Variants in CEP290 observed in about 807,000 individuals in gnomAD.
CEP290 encodes centrosomal protein 290.
In CEP290, 317 loss-of-function variants were observed where a neutral mutation model predicts 344.9. The ratio of observed to expected loss-of-function variants is 0.92; its 90% CI spans 0.84 to 1.01. CEP290 has a LOEUF of 1.01. CEP290 is among the 50% of genes least tolerant of loss of function. CEP290 has a pLI of 0.00. For missense variants in CEP290, 2,754 were observed against 2,761.4 expected (o/e 1.00, Z 0.06); for synonymous variants, 932 against 895.8 (o/e 1.04, Z -0.72).
chr12:88,097,549 A>C lies in CEP290; in HGVS notation c.2992-550T>G, dbSNP rs1358556113. ...ATTACCCAGTCTCAGGTATTTCTTC[A>C]TAGCAGCATGAGAACGGACTAATAC... is the stretch of plus-strand genomic sequence containing the variant. On this transcript the variant is annotated intron_variant, in intron 26 of 53. Transcript: ENST00000552810. Among the ~76,000 whole-genome samples, 8 of 151,798 alleles carry C rather than the reference A, an allele frequency of 5.3e-5. No homozygotes were observed. In the Admixed American group the frequency reaches 5.3e-4, roughly 10 times the overall value.
chr12:88,136,834 G>A, intron 5 of CEP290, 48 bp from the exon 6 acceptor site: 2 of 1,536,240 alleles, frequency 1.3e-6, no homozygotes, highest in Non-Finnish European at 1.8e-6. Context: ...TATATTTTGA[G>A]GTTCAAATGA....
intron 27 of CEP290, 113 bp from the exon 28 acceptor site, chr12:88,094,088 TTTCTGAA>T: frequency 2.5e-6 from 2 of 801,116 alleles, no homozygotes; most frequent in Non-Finnish European, 3.8e-6. Context: ...GCACATTAGC[TTTCTGAA>T]TTCCATCAGA....
chr12:88,077,106 G>A, intron 41 of CEP290, 116 bp downstream of exon 41: 1 of 985,172 alleles, frequency 1.0e-6, no homozygotes, highest in Non-Finnish European at 1.4e-6. Flanking sequence ...AATTAATACA[G>A]AATTAATACA....
intron 42 of CEP290, 122 bp from the exon 43 acceptor site, chr12:88,071,571 A>G (rs2035378497): frequency 1.1e-6 from 1 of 923,976 alleles, no homozygotes; most frequent in Non-Finnish European, 1.6e-6. Context: ...AAGCTAATTT[A>G]CAACGAGATC....
rs2039913970 is a variant in CEP290, at chr12:88,129,152, ATTCATAC to A, written c.853-124_853-118del. ...TATATCTACATACACACACATACGTATTCATACTTATATACACATACATACGGATACA... is the reference window on the plus strand; with the variant it reads ...TATATCTACATACACACACATACGTATTATATACACATACATACGGATACA... On this transcript the variant is annotated intron_variant, in intron 10 of 53. Transcript: ENST00000552810. The A allele has an allele frequency of 8.8e-6, 3 of 340,200 alleles. No homozygotes were observed. The African/African-American group carries it at 1.6e-4, about 18-fold the overall frequency. The allele number at this position is 340,200 out of a possible 1,614,324, so 21.1% of individuals were successfully genotyped here.
intron 20 of CEP290, among the ~76,000 whole-genome samples, chr12:88,113,661 A>G (rs1411220965): frequency 1.3e-5 from 2 of 152,076 alleles, no homozygotes; most frequent in African/African-American, 4.8e-5. Context: ...CTTAAATATT[A>G]ACAATCTAAA....
In CEP290 at chr12:88,084,371, T is replaced by C. The variant is rs181883854; in HGVS notation, c.4704+215A>G. The stretch of plus-strand genomic sequence containing the variant: ...AATCATATGATTTCACCATGATAGC[T>C]ACTCGTGGTTTAGTCAGTGTATAAT... On this transcript the variant is annotated intron_variant, in intron 35 of 53. Transcript: ENST00000552810. 2.7e-3 allele frequency among the ~76,000 whole-genome samples: 407 copies of C among 152,284 alleles called. 2 individuals are homozygous for C. Among genetic ancestry groups the C allele is most frequent in the Admixed American group, 6.5e-3 (99 of 15,298 alleles).
chr12:88,120,056 A>T (rs1343678890), intron 15 of CEP290, 58 bp downstream of exon 15: 8 of 1,017,738 alleles, frequency 7.9e-6, no homozygotes, highest in Non-Finnish European at 9.3e-6. Context: ...AATTTAAATT[A>T]AAAAAAAAGA....
At chr12:88,101,485 A>G in intron 26 of CEP290, among the ~76,000 whole-genome samples, 1 of 149,168 alleles carries the variant, frequency 6.7e-6, no homozygotes, top group Non-Finnish European at 1.5e-5. Flanking sequence ...TGCCTCAAAA[A>G]AAAAAAAAAA....
rs748336768 is a variant in CEP290, at chr12:88,089,382, T to C, written c.3679A>G (p.Lys1227Glu). 3 of 1,613,836 alleles carry C rather than the reference T, an allele frequency of 1.9e-6. No individual in the cohort carries two copies. The highest frequency in any genetic ancestry group is 2.5e-6 in the Non-Finnish European group (3 of 1,179,810). The change falls in exon 31 of 54, where the codon AAA becomes GAA. Residue 1227 changes from lysine to glutamate, a missense_variant. Lys to Glu is a moderately conservative substitution (Grantham distance 56). Transcript: ENST00000552810. ...ALGKLESITS[K>E]LQKMEAYNLR... The stretch of plus-strand genomic sequence containing the variant: ...TTGTAGGCCTCCATCTTCTGCAGTT[T>C]AGATGTAATTGACTCCAACTTACCA...
chr12:88,079,156 G>A lies in CEP290; in HGVS notation c.5300C>T (p.Thr1767Ile). Residue 1767 changes from threonine (T) to isoleucine (I), a missense_variant, in exon 39 of 54, where the codon ACT (threonine) becomes ATT (isoleucine). Thr to Ile is a moderately conservative substitution (Grantham distance 89). Coordinates refer to ENST00000552810, the MANE Select transcript of CEP290 (RefSeq NM_025114.4). Reference protein sequence around the residue: ...AAAEERIISATSQKEAHLNVQ... With the variant: ...AAAEERIISAISQKEAHLNVQ... ...ATTGAGATGGGCCTCTTTTTGAGAA[G>A]TTGCAGAAATAATACGTTCTTCAGC... 1 of 1,604,084 alleles carries A rather than the reference G, an allele frequency of 6.2e-7. No homozygotes were observed. Among genetic ancestry groups the A allele is most frequent in the Non-Finnish European group, 8.5e-7 (1 of 1,176,066 alleles).
chr12:88,141,392 T>C (rs768444346), intron 1 of CEP290, 58 bp from the exon 2 acceptor site: 48 of 803,032 alleles, frequency 6.0e-5, no homozygotes, highest in Admixed American at 1.3e-4. Flanking sequence ...ATTGGTTTTC[T>C]AGCACCTTAC....
In CEP290 at chr12:88,126,343, A is replaced by C. The variant is rs372923864; in HGVS notation, c.1038T>G (p.Asp346Glu). 8 of 1,491,702 alleles carry C rather than the reference A, an allele frequency of 5.4e-6. No individual in the cohort carries two copies. The highest frequency in any genetic ancestry group is 7.1e-6 in the Non-Finnish European group (8 of 1,125,614). The allele number at this position is 1,491,702 out of a possible 1,614,324, so 92.4% of individuals were successfully genotyped here. A position where few individuals can be genotyped will look rare whatever the true frequency, so the allele number is the denominator to read the frequency against. The change falls in exon 12 of 54, where the codon GAT (aspartate) becomes GAG (glutamate). Residue 346 changes from aspartate (D) to glutamate (E), a missense_variant. By Grantham distance (45) the Asp-to-Glu change is conservative. Transcript: ENST00000552810. ...GCTGTAGAGCCATAACATTACTTTTATCAGCATCAAGCTGAGCATTCTTAA... is the reference window on the plus strand; with the variant it reads ...GCTGTAGAGCCATAACATTACTTTTCTCAGCATCAAGCTGAGCATTCTTAA... ...EKLKNAQLDA[D>E]KSNVMALQQG...
intron 32 of CEP290, 29 bp downstream of exon 32, chr12:88,087,750 GA>G (rs1248451446): frequency 1.4e-5 from 12 of 852,906 alleles, no homozygotes; most frequent in South Asian, 4.8e-5. Flanking sequence ...AAAACTTAGG[GA>G]AAAAAATGAA....
In CEP290 at chr12:88,141,235, C is replaced by A. The variant is rs757196729; in HGVS notation, c.73G>T (p.Ala25Ser). ...PDDLPRQEEL[A>S]DNLLISLSKV... ...GATAAGGAAATCAATAAATTATCTG[C>A]CAGTTCTTCTTGACGGGGCAGGTCA... The change falls in exon 2 of 54, where the codon GCA becomes TCA. Residue 25 changes from alanine to serine, a missense_variant. Coordinates refer to ENST00000552810, the MANE Select transcript of CEP290 (RefSeq NM_025114.4). 6.2e-7 allele frequency: 1 copy of A among 1,610,126 alleles called. No individual in the cohort carries two copies. Among genetic ancestry groups the A allele is most frequent in the Admixed American group, 1.7e-5 (1 of 59,470 alleles).
chr12:88,106,856 A>G lies in CEP290; in HGVS notation c.2636T>C (p.Leu879Pro). 1 of 1,608,038 alleles carries G rather than the reference A, an allele frequency of 6.2e-7. No individual in the cohort carries two copies. Among genetic ancestry groups the G allele is most frequent in the Admixed American group, 1.7e-5 (1 of 59,326 alleles). The change falls in exon 25 of 54, where the codon CTT becomes CCT. Residue 879 changes from leucine (L) to proline (P), a missense_variant. Coordinates refer to ENST00000552810, the MANE Select transcript of CEP290 (RefSeq NM_025114.4). ...QMDSDEMKKI[L>P]AENSRKITVL... Reference sequence around the variant, plus strand: ...AGTAATTTTCCTACTATTTTCTGCAAGTATTTTTTTCATTTCATCCGAATC... The same window carrying G: ...AGTAATTTTCCTACTATTTTCTGCAGGTATTTTTTTCATTTCATCCGAATC...
In CEP290 at chr12:88,077,714, G is replaced by C. The variant is rs2035883533; in HGVS notation, c.5569C>G (p.Leu1857Val). 1 of 1,557,082 alleles carries C rather than the reference G, an allele frequency of 6.4e-7. No individual in the cohort carries two copies. Among genetic ancestry groups the C allele is most frequent in the Non-Finnish European group, 8.7e-7 (1 of 1,150,032 alleles). The change falls in exon 40 of 54, where the codon CTA (leucine) becomes GTA (valine). Residue 1857 changes from leucine to valine, a missense_variant. Transcript: ENST00000552810. Reference sequence around the variant, plus strand: ...AAAATTACCTGTAATCCACTGGTTAGTCTTTTAATTTGCCTTTTCAGTTCA... The same window carrying C: ...AAAATTACCTGTAATCCACTGGTTACTCTTTTAATTTGCCTTTTCAGTTCA... The part of the protein sequence containing the change: ...NDELKRQIKR[L>V]TSGLQGKPLT...
intron 52 of CEP290, 77 bp downstream of exon 52, chr12:88,053,575 A>G: frequency 1.5e-6 from 1 of 677,210 alleles, no homozygotes; most frequent in South Asian, 1.8e-5. Context: ...CAGAAATCTG[A>G]GCCAAAAAAA....
chr12:88,095,879 A>G lies in CEP290; in HGVS notation c.3103+1009T>C, dbSNP rs73192884. Among the ~76,000 whole-genome samples, 1,380 of 152,316 alleles carry G rather than the reference A, an allele frequency of 9.1e-3. 16 individuals carry two copies. The highest frequency in any genetic ancestry group is 0.017 in the Middle Eastern group (5 of 294). ...AATTAATATGGAAAACTCTAATGAG[A>G]GCAACAAAGATTTCAATACCTTCTG... is the stretch of plus-strand genomic sequence containing the variant. On this transcript the variant is annotated intron_variant, in intron 27 of 53. Coordinates refer to ENST00000552810, the MANE Select transcript of CEP290 (RefSeq NM_025114.4).
Sources: allele counts gnomAD v4.1 joint callset (sites outside exome capture counted in the v4.1 genomes callset), GRCh38; gene constraint gnomAD v4.1.1; transcripts MANE v1.5; gene names NCBI Gene and HGNC (gene_info 2026-07-23, HGNC 2026-07-21).